Variants in PRICKLE2 observed in about 807,000 individuals in gnomAD.
PRICKLE2 encodes prickle planar cell polarity protein 2.
PRICKLE2 carries 21 observed loss-of-function variants against 81.4 expected under a neutral mutation model. The ratio of observed to expected loss-of-function variants is 0.26; its 90% CI spans 0.18 to 0.37. The LOEUF (loss-of-function observed/expected upper bound fraction) is 0.37. Ranked by LOEUF, PRICKLE2 falls within the 10% of genes least tolerant of loss-of-function variation. The pLI, the probability that PRICKLE2 is intolerant of heterozygous loss-of-function variation, is 1.00. For missense variants in PRICKLE2, 940 were observed against 1,109.0 expected, an observed-to-expected ratio of 0.85 and a Z score of 2.16; for synonymous variants, 456 against 421.5, an observed-to-expected ratio of 1.08 and a Z score of -1.00.
chr3:64,206,927 G>T (rs2078697378), intron 1 of PRICKLE2, among the ~76,000 whole-genome samples: 2 of 152,142 alleles, frequency 1.3e-5, no homozygotes, highest in Admixed American at 1.3e-4. Flanking sequence ...TTGAGACAGG[G>T]TCTGCTCTGT....
At chr3:64,175,178 C>A in intron 2 of PRICKLE2, 1 of 179,508 alleles carries the variant, frequency 5.6e-6, no homozygotes. Flanking sequence ...TGCACCTTCT[C>A]ATCACAGAGA....
chr3:64,193,266 G>A (rs1393556836), intron 2 of PRICKLE2, among the ~76,000 whole-genome samples: 2 of 152,116 alleles, frequency 1.3e-5, no homozygotes, highest in Admixed American at 6.5e-5. Flanking sequence ...CATTTGAGAT[G>A]GGTCCATTCT....
intron 7 of PRICKLE2, among the ~76,000 whole-genome samples, chr3:64,124,040 T>C (rs1233142163): frequency 1.3e-5 from 2 of 152,162 alleles, no homozygotes; most frequent in Admixed American, 6.5e-5. Flanking sequence ...GTTAGCCAAA[T>C]TGTGAATGCA....
intron 2 of PRICKLE2, among the ~76,000 whole-genome samples, chr3:64,261,549 G>C (rs2079615063): frequency 6.6e-6 from 1 of 152,148 alleles, no homozygotes; most frequent in Admixed American, 6.5e-5. Context: ...GTGGGCTGTG[G>C]AGTGTAGTCA....
rs34396377 is a variant in PRICKLE2 at position 64,128,743 on chromosome 3, C to CAA, written c.1660+18085_1660+18086dup. On this transcript the variant is annotated intron_variant, in intron 7 of 7. Transcript: ENST00000638394. ...CCTGGGCAACAGTGTAAGACTGTCT[C>CAA]AAAAAAAAAAAAAAAAAAAAGGCAT... 6.1e-3 allele frequency among the ~76,000 whole-genome samples: 573 copies of CAA among 94,046 alleles called. 14 individuals carry two copies. Among genetic ancestry groups the CAA allele is most frequent in the African/African-American group, 0.014 (337 of 23,820 alleles). The allele number at this position is 94,046 out of a possible 152,430, so 61.7% of individuals were successfully genotyped here. A position where few individuals can be genotyped will look rare whatever the true frequency, so the allele number is the denominator to read the frequency against.
At chr3:64,244,015 T>C (rs1407742449) in intron 2 of PRICKLE2, among the ~76,000 whole-genome samples, 1 of 152,182 alleles carries the variant, frequency 6.6e-6, no homozygotes, top group African/African-American at 2.4e-5. Context: ...ATAGGAAAAG[T>C]TGCATCTTTC....
chr3:64,169,171 C>CT (rs922763453), intron 2 of PRICKLE2, among the ~76,000 whole-genome samples: 3 of 152,042 alleles, frequency 2.0e-5, no homozygotes, highest in Non-Finnish European at 4.4e-5. Context: ...TAGCCAAGAC[C>CT]TTTTTTTGCC....
chr3:64,173,643 A>G (rs1414691607), intron 2 of PRICKLE2, among the ~76,000 whole-genome samples: 2 of 152,170 alleles, frequency 1.3e-5, no homozygotes, highest in East Asian at 3.9e-4. Flanking sequence ...TTCTCTTTTA[A>G]AAAGTAAAAA....
chr3:64,103,837 G>GTTAACCAT (rs2076707833), intron 7 of PRICKLE2, among the ~76,000 whole-genome samples: 1 of 151,960 alleles, frequency 6.6e-6, no homozygotes, highest in African/African-American at 2.4e-5. Flanking sequence ...AAAATTAGCT[G>GTTAACCAT]GGCATGGTGG....
rs200962976 is a variant in PRICKLE2, at chr3:64,209,393, T to TCCATCCAC, written c.-40-10434_-40-10427dup. ...ACATACATCCATATCTACCCATCCA[T>TCCATCCAC]CCATCCACCCATCTATCCATTCATT... On this transcript the variant is annotated intron_variant, in intron 1 of 7. Coordinates refer to ENST00000638394, the MANE Select transcript of PRICKLE2 (RefSeq NM_198859.4). 5.5e-3 allele frequency among the ~76,000 whole-genome samples: 842 copies of TCCATCCAC among 152,146 alleles called. 4 individuals carry two copies. Among genetic ancestry groups the TCCATCCAC allele is most frequent in the East Asian group, 7.5e-3 (39 of 5,176 alleles).
At chr3:64,222,825 A>G (rs1386692172) in intron 1 of PRICKLE2, among the ~76,000 whole-genome samples, 1 of 152,230 alleles carries the variant, frequency 6.6e-6, no homozygotes, top group Non-Finnish European at 1.5e-5. Context: ...GTGAAGCAGA[A>G]GAGAAATCTA....
chr3:64,197,950 G>A (rs61238591), intron 2 of PRICKLE2, among the ~76,000 whole-genome samples: 9,980 of 151,900 alleles, frequency 0.066, 589 homozygotes, highest in African/African-American at 0.17. Flanking sequence ...GGTGGCTCAC[G>A]CCTGTAATCC....
At chr3:64,155,627 A>C (rs2077622760) in intron 5 of PRICKLE2, among the ~76,000 whole-genome samples, 1 of 152,240 alleles carries the variant, frequency 6.6e-6, no homozygotes, top group Admixed American at 6.5e-5. Flanking sequence ...AAACAACTTA[A>C]ATGTCCATCA....
At chr3:64,259,568 T>C (rs2107188358) in intron 2 of PRICKLE2, among the ~76,000 whole-genome samples, 1 of 152,302 alleles carries the variant, frequency 6.6e-6, no homozygotes. Flanking sequence ...CCCCAGAACC[T>C]GAAAATCATA....
At chr3:64,139,746 T>G (rs2077331800) in intron 7 of PRICKLE2, among the ~76,000 whole-genome samples, 1 of 152,178 alleles carries the variant, frequency 6.6e-6, no homozygotes. Flanking sequence ...CAAGTCTTAT[T>G]ACTCTAAGTG....
intron 7 of PRICKLE2, among the ~76,000 whole-genome samples, chr3:64,137,366 C>T (rs1421859632): frequency 6.6e-6 from 1 of 152,134 alleles, no homozygotes; most frequent in Non-Finnish European, 1.5e-5. Flanking sequence ...CACACCACGC[C>T]CCAACCCCAC....
intron 7 of PRICKLE2, chr3:64,100,154 T>A (rs2076634865): frequency 1.8e-6 from 1 of 567,270 alleles, no homozygotes. Context: ...CAGAGATGTA[T>A]TTTACCAGTT....
At chr3:64,219,466 C>T (rs1336238558) in intron 1 of PRICKLE2, among the ~76,000 whole-genome samples, 1 of 152,184 alleles carries the variant, frequency 6.6e-6, no homozygotes, top group Non-Finnish European at 1.5e-5. Flanking sequence ...CCCTGTAGTC[C>T]AGCAAAGGAC....
At chr3:64,155,750 C>T (rs184608054) in intron 5 of PRICKLE2, among the ~76,000 whole-genome samples, 53 of 152,200 alleles carry the variant, frequency 3.5e-4, no homozygotes, top group Non-Finnish European at 3.5e-4. Context: ...ATTGGAAACA[C>T]GCTAAACGAA....
Sources: gnomAD v4.1 joint callset for allele counts (sites outside exome capture counted in the v4.1 genomes callset) on GRCh38, gnomAD v4.1.1 for gene constraint, MANE v1.5 for transcripts, NCBI Gene and HGNC (gene_info 2026-07-23, HGNC 2026-07-21) for gene names.